The following MARCHF1 variants were observed in gnomAD, a reference collection of about 807,000 sequenced individuals.
MARCHF1 encodes membrane associated ring-CH-type finger 1.
Under a neutral mutation model 54.2 loss-of-function variants are expected in MARCHF1, and 40 were observed. That is an observed-to-expected ratio of 0.74 (90% CI 0.57 to 0.96). The LOEUF is 0.96. Among genes scored for constraint, MARCHF1 ranks in the 40% least tolerant of loss-of-function variants. The pLI, the probability that MARCHF1 is intolerant of heterozygous loss-of-function variation, is 0.00. For missense variants in MARCHF1, 586 were observed against 656.5 expected, an observed-to-expected ratio of 0.89 and a Z score of 1.17; for synonymous variants, 236 against 236.3, an observed-to-expected ratio of 1.00 and a Z score of 0.01.
rs1449559136 is a variant in MARCHF1, at chr4:164,090,628, TAACA to T, written c.-248+20956_-248+20959del. On this transcript the variant is annotated intron_variant, in intron 2 of 9. Transcript: ENST00000514618. ...AATTCATAACAGAAAAAACACATTATAACAAACAAAGTAGTCAAAATCTGGGTAA... is the reference window on the plus strand; with the variant it reads ...AATTCATAACAGAAAAAACACATTATAACAAAGTAGTCAAAATCTGGGTAA... Among the ~76,000 whole-genome samples the T allele has an allele frequency of 8.5e-5, 13 of 152,176 alleles. No homozygotes were observed. In the South Asian group the frequency reaches 1.0e-3, roughly 12 times the overall value.
At chr4:163,899,531 C>T (rs1750891487) in intron 3 of MARCHF1, among the ~76,000 whole-genome samples, 1 of 152,102 alleles carries the variant, frequency 6.6e-6, no homozygotes, top group South Asian at 2.1e-4. Flanking sequence ...TAGTCCCTGG[C>T]TGTGTCCTCA....
At chr4:163,559,934 C>CT (rs1206459871) in intron 8 of MARCHF1, among the ~76,000 whole-genome samples, 2 of 152,166 alleles carry the variant, frequency 1.3e-5, no homozygotes, top group African/African-American at 4.8e-5. Flanking sequence ...ACAGTGTTCT[C>CT]TAATTGTCGA....
At chr4:164,243,714 T>G (rs557078637) in intron 1 of MARCHF1, among the ~76,000 whole-genome samples, 10 of 152,046 alleles carry the variant, frequency 6.6e-5, no homozygotes, top group Non-Finnish European at 1.3e-4. Flanking sequence ...AGGAAACCCA[T>G]CTCACGGGCA....
At chr4:163,957,568 A>G (rs1752255240) in intron 3 of MARCHF1, among the ~76,000 whole-genome samples, 1 of 152,074 alleles carries the variant, frequency 6.6e-6, no homozygotes, top group South Asian at 2.1e-4. Flanking sequence ...TTGAGTGAGC[A>G]GCTACTTTAA....
chr4:164,185,329 T>A (rs1730938707), intron 1 of MARCHF1, among the ~76,000 whole-genome samples: 1 of 152,222 alleles, frequency 6.6e-6, no homozygotes, highest in Non-Finnish European at 1.5e-5. Flanking sequence ...TTATTTTTGA[T>A]TGAATTTGTC....
At chr4:164,030,406 A>T (rs1016405631) in intron 2 of MARCHF1, among the ~76,000 whole-genome samples, 2 of 152,226 alleles carry the variant, frequency 1.3e-5, no homozygotes, top group Admixed American at 6.5e-5. Flanking sequence ...AAATTCTGTC[A>T]GGACAGATGA....
intron 4 of MARCHF1, among the ~76,000 whole-genome samples, chr4:163,761,073 T>C (rs1746813635): frequency 6.6e-6 from 1 of 152,164 alleles, no homozygotes; most frequent in South Asian, 2.1e-4. Flanking sequence ...ATAGTGACAA[T>C]GCAAGCAAAA....
intron 3 of MARCHF1, among the ~76,000 whole-genome samples, chr4:163,940,892 T>C (rs1414091136): frequency 6.6e-6 from 1 of 152,100 alleles, no homozygotes; most frequent in African/African-American, 2.4e-5. Flanking sequence ...CATATAAAGT[T>C]TGGATCAGAG....
intron 2 of MARCHF1, among the ~76,000 whole-genome samples, chr4:164,079,214 T>A (rs977641850): frequency 6.6e-6 from 1 of 152,188 alleles, no homozygotes; most frequent in African/African-American, 2.4e-5. Flanking sequence ...TTGTTACATA[T>A]GTTAAATATT....
At chr4:163,820,031 G>C (rs1333103750) in intron 4 of MARCHF1, among the ~76,000 whole-genome samples, 1 of 152,056 alleles carries the variant, frequency 6.6e-6, no homozygotes, top group African/African-American at 2.4e-5. Flanking sequence ...TACCGATCCT[G>C]TGTTCTCCTC....
chr4:163,757,906 C>T (rs1350763591), intron 4 of MARCHF1, among the ~76,000 whole-genome samples: 1 of 151,984 alleles, frequency 6.6e-6, no homozygotes, highest in African/African-American at 2.4e-5. Context: ...TGAGTCCAGC[C>T]TATTAATAGG....
At chr4:164,359,775 G>C (rs1730669936) in intron 1 of MARCHF1, among the ~76,000 whole-genome samples, 1 of 151,914 alleles carries the variant, frequency 6.6e-6, no homozygotes, top group Non-Finnish European at 1.5e-5. Flanking sequence ...TTACATTTTA[G>C]CTACCACCTG....
chr4:163,572,905 T>A (rs2110763001), intron 8 of MARCHF1, among the ~76,000 whole-genome samples: 1 of 152,236 alleles, frequency 6.6e-6, no homozygotes, highest in East Asian at 1.9e-4. Flanking sequence ...CATCTATCTG[T>A]GGCTGTCTAG....
intron 1 of MARCHF1, among the ~76,000 whole-genome samples, chr4:164,133,115 T>A (rs1274059701): frequency 6.6e-6 from 1 of 152,100 alleles, no homozygotes; most frequent in Admixed American, 6.6e-5. Flanking sequence ...CTGACTGGTG[T>A]ATTTGGGAGA....
At chr4:164,254,533 T>C (rs1181148692) in intron 1 of MARCHF1, among the ~76,000 whole-genome samples, 1 of 151,646 alleles carries the variant, frequency 6.6e-6, no homozygotes, top group Non-Finnish European at 1.5e-5. Context: ...TAAACTCCCA[T>C]ATGTATGAAG....
At chr4:164,239,857 T>A (rs1411520980) in intron 1 of MARCHF1, among the ~76,000 whole-genome samples, 1 of 152,182 alleles carries the variant, frequency 6.6e-6, no homozygotes, top group Non-Finnish European at 1.5e-5. Flanking sequence ...GATTTTATAT[T>A]TATGAAAATC....
rs535047375 is a variant in MARCHF1 at position 163,720,370 on chromosome 4, C to A, written c.112-19507G>T. On this transcript the variant is annotated intron_variant, in intron 4 of 9. Coordinates refer to ENST00000514618, the MANE Select transcript of MARCHF1 (RefSeq NM_001394959.1). ...TGATATTATTTCTGAGGGCTCTGTT[C>A]TGTTCCATTGGTCTATATCTCTGTT... 6.6e-5 allele frequency among the ~76,000 whole-genome samples: 10 copies of A among 152,304 alleles called. No individual in the cohort carries two copies. The South Asian group carries it at 2.1e-3, about 32-fold the overall frequency.
chr4:163,527,112 T>TAACA lies in MARCHF1; in HGVS notation c.*1632_*1635dup, dbSNP rs1258551260. ...TTTCATGTTAATAAATAATGACAGC[T>TAACA]AACAAAAATAAGTCACCTTTTTTAA... On this transcript the variant is annotated 3_prime_UTR_variant, in exon 10 of 10. Transcript: ENST00000514618. 6 of 152,136 alleles carry TAACA rather than the reference T, an allele frequency of 3.9e-5. No individual in the cohort carries two copies. Among genetic ancestry groups the TAACA allele is most frequent in the South Asian group, 4.1e-4 (2 of 4,832 alleles). 9.4% of individuals were successfully genotyped at this position (152,136 alleles called of 1,614,324 possible).
chr4:164,188,733 T>C lies in MARCHF1; in HGVS notation c.-322-77071A>G, dbSNP rs937132721. On this transcript the variant is annotated intron_variant, in intron 1 of 9. Transcript: ENST00000514618. Reference sequence around the variant, plus strand: ...GACATCAAGTTCTTGCGGTTCAAGGTAGTTGAAAAGAAAACTAAACCATAC... The same window carrying C: ...GACATCAAGTTCTTGCGGTTCAAGGCAGTTGAAAAGAAAACTAAACCATAC... The C allele has an allele frequency of 5.4e-5, 56 of 1,032,434 alleles. No individual in the cohort carries two copies. The African/African-American group carries it at 8.1e-4, about 15-fold the overall frequency. The allele number at this position is 1,032,434 out of a possible 1,614,324, so 64.0% of individuals were successfully genotyped here.
Sources: allele counts gnomAD v4.1 joint callset (sites outside exome capture counted in the v4.1 genomes callset), GRCh38; gene constraint gnomAD v4.1.1; transcripts MANE v1.5; gene names NCBI Gene and HGNC (gene_info 2026-07-23, HGNC 2026-07-21).